Variants in MEAK7 observed in about 807,000 individuals in gnomAD.
The protein encoded by MEAK7 is MTOR-associated protein MEAK7.
A neutral mutation model predicts 40.5 loss-of-function variants in MEAK7; 68 were observed. The observed-to-expected ratio is 1.68, with a 90% CI of 1.38 to 2.06. The LOEUF (loss-of-function observed/expected upper bound fraction) is 2.06. MEAK7 is among the 30% of genes most tolerant of loss of function. MEAK7 has a pLI of 0.00. For synonymous variants in MEAK7, 338 were observed against 231.9 expected (o/e 1.46, Z -4.16); for missense variants, 918 against 580.5 (o/e 1.58, Z -5.98).
intron 3 of MEAK7, among the ~76,000 whole-genome samples, chr16:84,493,672 G>T (rs1351892751): frequency 6.6e-6 from 1 of 152,070 alleles, no homozygotes; most frequent in African/African-American, 2.4e-5. Flanking sequence ...CTATTTGTGA[G>T]TATTCTTAAT....
At chr16:84,502,403 G>A (rs1424467307) in intron 1 of MEAK7, among the ~76,000 whole-genome samples, 1 of 152,158 alleles carries the variant, frequency 6.6e-6, no homozygotes, top group African/African-American at 2.4e-5. Flanking sequence ...CATCGGTAGG[G>A]CTGAAGGTGA....
chr16:84,493,697 T>C (rs1913814504), intron 3 of MEAK7, among the ~76,000 whole-genome samples: 1 of 152,228 alleles, frequency 6.6e-6, no homozygotes, highest in Non-Finnish European at 1.5e-5. Flanking sequence ...GGCAATATAA[T>C]TATTTGCATA....
chr16:84,490,579 C>T (rs983084941), intron 3 of MEAK7, among the ~76,000 whole-genome samples: 3 of 144,736 alleles, frequency 2.1e-5, no homozygotes, highest in Admixed American at 7.2e-5. Context: ...AGGTAAAATA[C>T]GGTAGTAAAA....
intron 1 of MEAK7, among the ~76,000 whole-genome samples, chr16:84,501,093 C>CAA (rs1273097004): frequency 2.9e-4 from 8 of 27,748 alleles, no homozygotes; most frequent in Non-Finnish European, 4.8e-4. Context: ...AGACTCGTCT[C>CAA]AAAAAAAAAA....
Position 84,478,840 on chromosome 16 carries a change from G to A in MEAK7, c.*1073C>T, listed in dbSNP as rs1355162743. 2 of 152,210 alleles carry A rather than the reference G, an allele frequency of 1.3e-5. No homozygotes were observed. Among genetic ancestry groups the A allele is most frequent in the Admixed American group, 6.5e-5 (1 of 15,270 alleles). The allele number at this position is 152,210 out of a possible 1,614,324, so 9.4% of individuals were successfully genotyped here. On this transcript the variant is annotated 3_prime_UTR_variant, in exon 8 of 8. Transcript: ENST00000343629. ...GAGATCTAGAACCCAGGCCAGCACC[G>A]AGGCCTAGACAGCTGTGACTCAGGT...
intron 2 of MEAK7, among the ~76,000 whole-genome samples, chr16:84,496,578 T>A (rs532792319): frequency 6.6e-6 from 1 of 152,346 alleles, no homozygotes; most frequent in Admixed American, 6.5e-5. Context: ...CCACTCATCG[T>A]GAGCCGTATC....
In MEAK7 at chr16:84,478,195, C is replaced by T. The variant is rs1912206500; in HGVS notation, c.*1718G>A. The T allele has an allele frequency of 6.6e-6, 1 of 152,176 alleles. No homozygotes were observed. Among genetic ancestry groups the T allele is most frequent in the Non-Finnish European group, 1.5e-5 (1 of 68,032 alleles). 9.4% of individuals were successfully genotyped at this position (152,176 alleles called of 1,614,324 possible). On this transcript the variant is annotated 3_prime_UTR_variant, in exon 8 of 8. Coordinates refer to ENST00000343629, the MANE Select transcript of MEAK7 (RefSeq NM_020947.4). ...GATGCTTGAGGATCCTAATATTCTA[C>T]TTCTGCCAACATGTCAGGTAGGAAG...
intron 4 of MEAK7, chr16:84,487,375 A>G: frequency 3.3e-6 from 1 of 305,072 alleles, no homozygotes; most frequent in Non-Finnish European, 6.1e-6. Flanking sequence ...TAGAAAAGGG[A>G]AAATTTCACA....
chr16:84,482,794 C>G (rs1306386661), intron 5 of MEAK7, 84 bp from the exon 6 acceptor site: 1 of 1,561,650 alleles, frequency 6.4e-7, no homozygotes, highest in Non-Finnish European at 8.7e-7. Context: ...AGCTGCAGCT[C>G]AGGAAGCAAC....
chr16:84,504,299 G>A (rs1441500225), intron 1 of MEAK7, among the ~76,000 whole-genome samples: 1 of 152,170 alleles, frequency 6.6e-6, no homozygotes, highest in Non-Finnish European at 1.5e-5. Flanking sequence ...AACACGGCTG[G>A]CCTTGGCCCT....
chr16:84,500,791 G>C (rs1229070838), intron 1 of MEAK7, among the ~76,000 whole-genome samples: 2 of 152,150 alleles, frequency 1.3e-5, no homozygotes, highest in East Asian at 3.9e-4. Flanking sequence ...GGGTGCTGCA[G>C]GGACACAGCC....
intron 5 of MEAK7, among the ~76,000 whole-genome samples, chr16:84,483,893 C>G (rs1350459210): frequency 3.3e-5 from 5 of 152,146 alleles, no homozygotes; most frequent in Non-Finnish European, 7.4e-5. Flanking sequence ...GATAGTTAGG[C>G]TAGAAAGTTC....
chr16:84,492,192 G>A (rs542641404), intron 3 of MEAK7, among the ~76,000 whole-genome samples: 3 of 152,194 alleles, frequency 2.0e-5, no homozygotes, highest in Admixed American at 6.5e-5. Context: ...GAGGTTCTCT[G>A]TAAATTAAAT....
chr16:84,486,460 T>C (rs759433470), intron 5 of MEAK7, 171 bp downstream of exon 5: 16 of 1,415,504 alleles, frequency 1.1e-5, no homozygotes, highest in African/African-American at 5.8e-5. Flanking sequence ...AGAACTCTGA[T>C]GTGATAAACA....
At chr16:84,492,140 A>G (rs1181869149) in intron 3 of MEAK7, among the ~76,000 whole-genome samples, 2 of 152,150 alleles carry the variant, frequency 1.3e-5, no homozygotes, top group East Asian at 3.9e-4. Context: ...AGGTGGATGT[A>G]TGAGATTGTA....
At chr16:84,500,225 C>A (rs1914387514) in intron 1 of MEAK7, among the ~76,000 whole-genome samples, 1 of 152,212 alleles carries the variant, frequency 6.6e-6, no homozygotes, top group African/African-American at 2.4e-5. Context: ...CTGAAGGACA[C>A]TGGGGCTGTT....
At chr16:84,501,736 C>T (rs1234120763) in intron 1 of MEAK7, among the ~76,000 whole-genome samples, 1 of 152,156 alleles carries the variant, frequency 6.6e-6, no homozygotes, top group Non-Finnish European at 1.5e-5. Context: ...CCCCTAAGAA[C>T]ACAGCGCTGT....
intron 3 of MEAK7, among the ~76,000 whole-genome samples, chr16:84,492,289 T>C (rs1187988906): frequency 1.3e-5 from 2 of 152,164 alleles, no homozygotes; most frequent in African/African-American, 4.8e-5. Flanking sequence ...TAACCCACCT[T>C]TTCATTTAAA....
intron 6 of MEAK7, 74 bp downstream of exon 6, chr16:84,482,518 G>A (rs1912655014): frequency 2.5e-6 from 4 of 1,609,850 alleles, no homozygotes; most frequent in Non-Finnish European, 2.5e-6. Flanking sequence ...GATCTGTGGA[G>A]CTGAGCCTCG....
Sources: gnomAD v4.1 joint callset for allele counts (sites outside exome capture counted in the v4.1 genomes callset) on GRCh38, gnomAD v4.1.1 for gene constraint, MANE v1.5 for transcripts, NCBI Gene and HGNC (gene_info 2026-07-23, HGNC 2026-07-21) for gene names.